NOTCH3: variants seen among roughly 807,000 people sequenced by gnomAD.
NOTCH3 encodes neurogenic locus notch homolog protein 3.
Under a neutral mutation model 213.3 loss-of-function variants are expected in NOTCH3, and 86 were observed. The ratio of observed to expected loss-of-function variants is 0.40; its 90% CI spans 0.34 to 0.48. The LOEUF (loss-of-function observed/expected upper bound fraction) is 0.48. Among genes scored for constraint, NOTCH3 ranks in the 20% least tolerant of loss-of-function variants. NOTCH3 has a pLI of 0.57. For missense variants in NOTCH3, 2,783 were observed against 3,272.6 expected (o/e 0.85, Z 3.65); for synonymous variants, 1,354 against 1,355.9 (o/e 1.00, Z 0.03).
chr19:15,170,078 G>C lies in NOTCH3; in HGVS notation c.5199+8C>G. ...AGGAGGGGGCAAAGGTCAGAGGGGG[G>C]GCAGTACCTTTAGCCGCTTGGCCTC... On this transcript the variant is annotated splice_region_variant and intron_variant, in intron 28 of 32. Transcript: ENST00000263388. The C allele has an allele frequency of 6.5e-7, 1 of 1,546,338 alleles. No homozygotes were observed. The highest frequency in any genetic ancestry group is 8.8e-7 in the Non-Finnish European group (1 of 1,131,876).
At chr19:15,177,488 G>A (rs1481805254) in intron 24 of NOTCH3, 37 bp downstream of exon 24, 3 of 1,572,954 alleles carry the variant, frequency 1.9e-6, no homozygotes, top group Non-Finnish European at 8.7e-7. Flanking sequence ...TGGGATGGAT[G>A]CATAGACAGA....
chr19:15,198,907 C>CAA (rs111763170), intron 1 of NOTCH3, among the ~76,000 whole-genome samples: 9 of 130,288 alleles, frequency 6.9e-5, no homozygotes, highest in African/African-American at 1.7e-4. Context: ...GAGACTGTCT[C>CAA]AAAAAAAAAA....
chr19:15,178,814 C>T lies in NOTCH3; in HGVS notation c.3837+9G>A, dbSNP rs2145416797. 1 of 1,583,954 alleles carries T rather than the reference C, an allele frequency of 6.3e-7. No individual in the cohort carries two copies. The highest frequency in any genetic ancestry group is 2.3e-5 in the East Asian group (1 of 43,776). ...TACTCCTCCTCCAAAGGCCGCCACC[C>T]ACACCTACCTGGGCACAGTGACAGG... On this transcript the variant is annotated intron_variant, in intron 23 of 32. Transcript: ENST00000263388.
intron 6 of NOTCH3, 29 bp from the exon 7 acceptor site, chr19:15,189,457 C>G (rs1015940947): frequency 6.2e-7 from 1 of 1,612,914 alleles, no homozygotes; most frequent in Non-Finnish European, 8.5e-7. Flanking sequence ...AAGTCATAGG[C>G]AGATCTTCCT....
chr19:15,161,813 CTG>C, intron 32 of NOTCH3, 99 bp from the exon 33 acceptor site: 1 of 1,051,436 alleles, frequency 9.5e-7, no homozygotes. Flanking sequence ...AGTTTGTACA[CTG>C]GAGCTTGACA....
Position 15,160,818 on chromosome 19 carries a change from C to T in NOTCH3, c.6810G>A (p.Thr2270=), listed in dbSNP as rs147655727. ...PPSLSDWSES[T]PSPATATGAM... The stretch of plus-strand genomic sequence containing the variant: ...CCCCAGTGGCAGTGGCTGGGCTAGG[C>T]GTGGATTCGGACCAGTCTGAGAGGG... Residue 2270 remains threonine (T), a synonymous_variant, in exon 33 of 33, where the codon ACG becomes ACA. Coordinates refer to ENST00000263388, the MANE Select transcript of NOTCH3 (RefSeq NM_000435.3). 1.0e-4 allele frequency: 164 copies of T among 1,613,746 alleles called. 1 individual carries two copies. In the South Asian group the frequency reaches 1.5e-3, roughly 15 times the overall value.
chr19:15,187,301 G>A lies in NOTCH3; in HGVS notation c.1644C>T (p.Asp548=), dbSNP rs2046890705. The change falls in exon 11 of 33, where the codon GAC becomes GAT. Residue 548 remains aspartate, a synonymous_variant. Transcript: ENST00000263388. ...EGTLCDRNVD[D]CSPDPCHHGR... ...CATGGTGGCATGGGTCAGGGGAGCA[G>A]TCGTCCACGTTGCGATCACACAGCG... The A allele has an allele frequency of 6.2e-7, 1 of 1,613,882 alleles. No homozygotes were observed. The highest frequency in any genetic ancestry group is 1.7e-5 in the Admixed American group (1 of 60,008).
chr19:15,164,127 T>C lies in NOTCH3; in HGVS notation c.5815+1241A>G, dbSNP rs139971015. 6.1e-4 allele frequency among the ~76,000 whole-genome samples: 93 copies of C among 152,314 alleles called. 2 individuals carry two copies. Among genetic ancestry groups the C allele is most frequent in the Admixed American group, 1.1e-3 (17 of 15,294 alleles). ...TGAAATGTTCTAAAATTGATTGTGG[T>C]AATAGTTGTATGACTCTGATTATAC... On this transcript the variant is annotated intron_variant, in intron 31 of 32. Coordinates refer to ENST00000263388, the MANE Select transcript of NOTCH3 (RefSeq NM_000435.3).
chr19:15,169,982 G>A lies in NOTCH3; in HGVS notation c.5199+104C>T, dbSNP rs1422870817. 4.3e-6 allele frequency: 3 copies of A among 691,022 alleles called. No homozygotes were observed. In the African/African-American group the frequency reaches 5.3e-5, roughly 12 times the overall value. The allele number at this position is 691,022 out of a possible 1,614,324, so 42.8% of individuals were successfully genotyped here. A position where few individuals can be genotyped will look rare whatever the true frequency, so the allele number is the denominator to read the frequency against. ...CTCTGGAGCTAGGGAGGTGGGGACA[G>A]CGGTGCCATCCCCTGATCACGCCCA... On this transcript the variant is annotated intron_variant, in intron 28 of 32. Coordinates refer to ENST00000263388, the MANE Select transcript of NOTCH3 (RefSeq NM_000435.3).
At chr19:15,197,257 T>G (rs10417567) in intron 2 of NOTCH3, among the ~76,000 whole-genome samples, 2 of 152,104 alleles carry the variant, frequency 1.3e-5, no homozygotes, top group African/African-American at 4.8e-5. Context: ...GACACTGAGA[T>G]GTAAAGAGTT....
At position 15,181,788 on chromosome 19, in the gene NOTCH3, G is replaced by A. The variant is rs201436750; in HGVS notation, c.2580C>T (p.Asn860=). 467 of 1,559,234 alleles carry A rather than the reference G, an allele frequency of 3.0e-4. No individual in the cohort carries two copies. In the East Asian group the frequency reaches 4.4e-3, roughly 15 times the overall value. The stretch of plus-strand genomic sequence containing the variant: ...CCACGCCGTCTTGGCACGAGCCACC[G>A]TTCAGGCATGGGTCTGCGGACAGGA... The part of the protein sequence containing the change: ...INDCDPNPCL[N]GGSCQDGVGS... The change falls in exon 17 of 33, where the codon AAC becomes AAT. Residue 860 remains asparagine (N), a synonymous_variant. Transcript: ENST00000263388.
Position 15,170,683 on chromosome 19 carries a change from G to T in NOTCH3, c.4879C>A (p.Arg1627=). The change falls in exon 26 of 33, where the codon CGG becomes AGG. Residue 1627 remains arginine, a synonymous_variant. Transcript: ENST00000263388. ...VERLDFPYPL[R]DVRGEPLEPP... is the part of the protein sequence containing the mutation. ...GGCAGGGCCGCACCCCGCACGTCCC[G>T]CAGTGGGTACGGGAAGTCCAGGCGC... The T allele has an allele frequency of 2.1e-6, 3 of 1,403,802 alleles. No individual in the cohort carries two copies. Among genetic ancestry groups the T allele is most frequent in the Non-Finnish European group, 2.8e-6 (3 of 1,054,478 alleles). The allele number at this position is 1,403,802 out of a possible 1,614,324, so 87.0% of individuals were successfully genotyped here. A position where few individuals can be genotyped will look rare whatever the true frequency, so the allele number is the denominator to read the frequency against.
chr19:15,164,392 AT>A (rs1264183824), intron 31 of NOTCH3, among the ~76,000 whole-genome samples: 1 of 152,004 alleles, frequency 6.6e-6, no homozygotes, highest in African/African-American at 2.4e-5. Flanking sequence ...ATACAAAAAA[AT>A]AGCCAGGCAT....
In NOTCH3 at chr19:15,160,656, AG is replaced by A. The variant is rs772234182; in HGVS notation, c.*5del. 9 of 1,611,480 alleles carry A rather than the reference AG, an allele frequency of 5.6e-6. No homozygotes were observed. In the Admixed American group the frequency reaches 1.5e-4, roughly 27 times the overall value. ...GGCCCCCAAGATCTAAGAACTGACG[AG>A]CGTCTCAGGCCAACACTTGCCTCTT... On this transcript the variant is annotated 3_prime_UTR_variant, in exon 33 of 33. Transcript: ENST00000263388.
intron 16 of NOTCH3, 102 bp downstream of exon 16, chr19:15,184,193 A>G (rs2046862773): frequency 8.3e-7 from 1 of 1,204,588 alleles, no homozygotes; most frequent in Non-Finnish European, 1.2e-6. Flanking sequence ...GAAAAGTAAG[A>G]TAACTGTGAA....
intron 25 of NOTCH3, 118 bp from the exon 26 acceptor site, chr19:15,170,943 G>A: frequency 8.8e-7 from 1 of 1,138,602 alleles, no homozygotes; most frequent in East Asian, 2.6e-5. Flanking sequence ...CCACCCACAG[G>A]TCTCCATGGC....
chr19:15,178,912 A>G lies in NOTCH3; in HGVS notation c.3748T>C (p.Cys1250Arg), dbSNP rs2145417017. Residue 1250 changes from cysteine to arginine, a missense_variant, in exon 23 of 33, where the codon TGC (cysteine) becomes CGC (arginine). Cys to Arg is a radical substitution (Grantham distance 180). This residue lies in a region of NOTCH3 where 861 missense variants were observed against 909.1 expected (regional missense o/e 0.95). Transcript: ENST00000263388. ...GPRCQTVLSP[C>R]ESQPCQHGGQ... ...CCATGCTGGCATGGCTGGGACTCGC[A>G]GGGAGACAGGACAGTCTGACAGCGA... is the stretch of plus-strand genomic sequence containing the variant. 6.2e-7 allele frequency: 1 copy of G among 1,613,508 alleles called. No individual in the cohort carries two copies. The highest frequency in any genetic ancestry group is 2.2e-5 in the East Asian group (1 of 44,874).
chr19:15,184,971 T>G lies in NOTCH3; in HGVS notation c.2345A>C (p.His782Pro), dbSNP rs1216047973. The G allele has an allele frequency of 3.2e-6, 5 of 1,546,472 alleles. No individual in the cohort carries two copies. Among genetic ancestry groups the G allele is most frequent in the Non-Finnish European group, 4.4e-6 (5 of 1,144,132 alleles). Residue 782 changes from histidine to proline, a missense_variant, in exon 15 of 33, where the codon CAT becomes CCT. Around this residue, in one of 6 missense-constraint regions of NOTCH3, gnomAD observed 861 missense variants for 909.1 expected, o/e 0.95. Transcript: ENST00000263388. ...AGGGGCAGACTCGCAGCGGCCCCCATGCTCACAGGGGTTCGGGGTGCAGGG... is the reference window on the plus strand; with the variant it reads ...AGGGGCAGACTCGCAGCGGCCCCCAGGCTCACAGGGGTTCGGGGTGCAGGG... ...LSPCTPNPCEHGGRCESAPGQ... is the reference protein window; with the variant it reads ...LSPCTPNPCEPGGRCESAPGQ...
rs2046620139 is a variant in NOTCH3, at chr19:15,159,137, G to T, written c.*1525C>A. On this transcript the variant is annotated 3_prime_UTR_variant, in exon 33 of 33. Coordinates refer to ENST00000263388, the MANE Select transcript of NOTCH3 (RefSeq NM_000435.3). ...TGAAATTCATGCAGAACCATGATCAGATACTTAGAAAGCAATTAATAAATA... is the reference window on the plus strand; with the variant it reads ...TGAAATTCATGCAGAACCATGATCATATACTTAGAAAGCAATTAATAAATA... The T allele has an allele frequency of 6.6e-6, 1 of 152,164 alleles. No individual in the cohort carries two copies. The highest frequency in any genetic ancestry group is 6.5e-5 in the Admixed American group (1 of 15,270). The allele number at this position is 152,164 out of a possible 1,614,324, so 9.4% of individuals were successfully genotyped here.
Sources: allele counts gnomAD v4.1 joint callset (sites outside exome capture counted in the v4.1 genomes callset), GRCh38; gene constraint gnomAD v4.1.1; regional missense constraint gnomAD v4.1.1; transcripts MANE v1.5; gene names NCBI Gene and HGNC (gene_info 2026-07-23, HGNC 2026-07-21).